The following CREBBP variants were observed in gnomAD, a reference collection of about 807,000 sequenced individuals.
The protein encoded by CREBBP is CREB binding lysine acetyltransferase.
CREBBP carries 19 observed loss-of-function variants against 265.0 expected under a neutral mutation model. That is an observed-to-expected ratio of 0.07 (90% confidence interval 0.05 to 0.11). The LOEUF (loss-of-function observed/expected upper bound fraction) is 0.11, where lower values mean the gene tolerates loss of function less well. Among genes scored for constraint, CREBBP ranks in the 10% least tolerant of loss-of-function variants. CREBBP has a pLI of 1.00. For missense variants in CREBBP, 2,525 were observed against 3,219.0 expected, an observed-to-expected ratio of 0.78 and a Z score of 5.22; for synonymous variants, 1,457 against 1,223.7, an observed-to-expected ratio of 1.19 and a Z score of -3.98.
intron 2 of CREBBP, among the ~76,000 whole-genome samples, chr16:3,839,677 TG>T (rs1326540317): frequency 1.0e-5 from 1 of 100,244 alleles, no homozygotes; most frequent in Non-Finnish European, 1.9e-5. Context: ...AGTGAAACTA[TG>T]GGGAAAGAAA....
chr16:3,879,112 T>C (rs1483589959), intron 1 of CREBBP, among the ~76,000 whole-genome samples: 1 of 152,156 alleles, frequency 6.6e-6, no homozygotes, highest in African/African-American at 2.4e-5. Context: ...ACCTGCTGTT[T>C]AACTTTCTTT....
In CREBBP at chr16:3,768,136, G is replaced by GTTTGTTT. The variant is rs2052905281; in HGVS notation, c.3061-228_3061-227insAAACAAA. On this transcript the variant is annotated intron_variant, in intron 15 of 30. Transcript: ENST00000262367. ...CAATTATGGTCCTAAATTTAAAAGT[G>GTTTGTTT]TTTTTTTTTTTTTTTTTTTTTTTTT... Among the ~76,000 whole-genome samples, 96 of 51,630 alleles carry GTTTGTTT rather than the reference G, an allele frequency of 1.9e-3. 1 individual carries two copies. Among genetic ancestry groups the GTTTGTTT allele is most frequent in the Non-Finnish European group, 1.8e-3 (51 of 28,456 alleles). The allele number at this position is 51,630 out of a possible 152,430, so 33.9% of individuals were successfully genotyped here.
Position 3,725,147 on chromosome 16 carries a change from CCT to C in CREBBP, c.*2569_*2570del, listed in dbSNP as rs1321682608. 1 of 233,536 alleles carries C rather than the reference CCT, an allele frequency of 4.3e-6. No individual in the cohort carries two copies. Among genetic ancestry groups the C allele is most frequent in the Non-Finnish European group, 8.5e-6 (1 of 117,962 alleles). 14.5% of individuals were successfully genotyped at this position (233,536 alleles called of 1,614,324 possible). On this transcript the variant is annotated 3_prime_UTR_variant, in exon 31 of 31. Coordinates refer to ENST00000262367, the MANE Select transcript of CREBBP (RefSeq NM_004380.3). ...TCACAAATATAGGACTTTTTCTTCT[CCT>C]CTTAAGTATACAGCATGAGACACAG...
intron 6 of CREBBP, 21 bp downstream of exon 6, chr16:3,782,663 G>A: frequency 1.9e-6 from 3 of 1,613,572 alleles, no homozygotes; most frequent in Non-Finnish European, 2.5e-6. Flanking sequence ...TAAGAACGAA[G>A]TTGAGAGTTC....
At chr16:3,807,094 C>T (rs2141334900) in intron 3 of CREBBP, among the ~76,000 whole-genome samples, 1 of 152,336 alleles carries the variant, frequency 6.6e-6, no homozygotes, top group South Asian at 2.1e-4. Flanking sequence ...GGAGTGAGCT[C>T]TGTGTCACTC....
At chr16:3,747,700 C>A (rs910706747) in intron 21 of CREBBP, among the ~76,000 whole-genome samples, 1 of 152,168 alleles carries the variant, frequency 6.6e-6, no homozygotes, top group Non-Finnish European at 1.5e-5. Flanking sequence ...CGGTGGCTCA[C>A]GCCTGTAATC....
rs754380226 is a variant in CREBBP at position 3,731,144 on chromosome 16, G to A, written c.5172+48C>T. 64 of 1,588,978 alleles carry A rather than the reference G, an allele frequency of 4.0e-5. No individual in the cohort carries two copies. The Middle Eastern group carries it at 6.1e-4, about 15-fold the overall frequency. ...CCCATGCAAAGGGACAGGATGCTTCGTCAGACCCCAGGCCGGCTGTGGGGG... is the reference window on the plus strand; with the variant it reads ...CCCATGCAAAGGGACAGGATGCTTCATCAGACCCCAGGCCGGCTGTGGGGG... On this transcript the variant is annotated intron_variant, in intron 30 of 30. Transcript: ENST00000262367. The surrounding 1 kb of genome is among the most constrained non-coding windows in gnomAD (Gnocchi z 7.7).
intron 2 of CREBBP, among the ~76,000 whole-genome samples, chr16:3,845,913 T>C (rs11641279): frequency 0.45 from 64,546 of 143,370 alleles, 17,151 homozygotes; most frequent in East Asian, 0.72. Flanking sequence ...AAAAAAGTCA[T>C]GTAATAAGGA....
At chr16:3,733,725 T>C (rs1430901671) in intron 28 of CREBBP, among the ~76,000 whole-genome samples, 1 of 152,212 alleles carries the variant, frequency 6.6e-6, no homozygotes, top group Non-Finnish European at 1.5e-5. Context: ...CACTGCAATC[T>C]GTGCCTCCCG....
Position 3,725,453 on chromosome 16 carries a change from C to G in CREBBP, c.*2265G>C. On this transcript the variant is annotated 3_prime_UTR_variant, in exon 31 of 31. Coordinates refer to ENST00000262367, the MANE Select transcript of CREBBP (RefSeq NM_004380.3). The stretch of plus-strand genomic sequence containing the variant: ...TAGAGCTGCTGCTCTCGGGCTCTAG[C>G]CCCACTTCTTGTTTGAACACATGGC... 1 of 233,282 alleles carries G rather than the reference C, an allele frequency of 4.3e-6. No individual in the cohort carries two copies. The highest frequency in any genetic ancestry group is 1.8e-4 in the South Asian group (1 of 5,532). 14.5% of individuals were successfully genotyped at this position (233,282 alleles called of 1,614,324 possible). A position where few individuals can be genotyped will look rare whatever the true frequency, so the allele number is the denominator to read the frequency against.
In CREBBP at chr16:3,849,426, TG is replaced by T. The variant is rs2054748642; in HGVS notation, c.798+870del. On this transcript the variant is annotated intron_variant, in intron 2 of 30. Transcript: ENST00000262367. The stretch of plus-strand genomic sequence containing the variant: ...GTGTGTGTGTGTGTGTGTGTGTGTG[TG>T]TGTGTGTGTGTGTGTGTGTGTGTGT... 6.4e-4 allele frequency among the ~76,000 whole-genome samples: 5 copies of T among 7,768 alleles called. No individual in the cohort carries two copies. In the Non-Finnish European group the frequency reaches 8.1e-3, roughly 13 times the overall value. The allele number at this position is 7,768 out of a possible 152,430, so 5.1% of individuals were successfully genotyped here.
intron 3 of CREBBP, among the ~76,000 whole-genome samples, chr16:3,799,398 A>G (rs2053669579): frequency 1.3e-5 from 2 of 152,258 alleles, no homozygotes; most frequent in South Asian, 2.1e-4. Flanking sequence ...TGTTTAATCT[A>G]TCTATATGGC....
At position 3,778,005 on chromosome 16, in the gene CREBBP, C is replaced by A. The variant is rs1391946455; in HGVS notation, c.2113+6G>T. On this transcript the variant is annotated splice_donor_region_variant and intron_variant, in intron 10 of 30. Coordinates refer to ENST00000262367, the MANE Select transcript of CREBBP (RefSeq NM_004380.3). ...AAGGGATGGCAGTAGGAAATAAAAT[C>A]CTTACTTGGAGGTCTCACAGGTTGT... 6.2e-7 allele frequency: 1 copy of A among 1,614,122 alleles called. No homozygotes were observed. Among genetic ancestry groups the A allele is most frequent in the South Asian group, 1.1e-5 (1 of 91,084 alleles).
Position 3,776,746 on chromosome 16 carries a change from C to T in CREBBP, c.2158+867G>A, listed in dbSNP as rs191250518. Among the ~76,000 whole-genome samples, 497 of 152,304 alleles carry T rather than the reference C, an allele frequency of 3.3e-3. 4 individuals are homozygous for T. Among genetic ancestry groups the T allele is most frequent in the Non-Finnish European group, 4.1e-3 (277 of 68,022 alleles). On this transcript the variant is annotated intron_variant, in intron 11 of 30. Coordinates refer to ENST00000262367, the MANE Select transcript of CREBBP (RefSeq NM_004380.3). Reference sequence around the variant, plus strand: ...ATAAAAAGCTGGCCGGGTGCAGTGGCTCATGCCTGTAATCCCAGCACTTTG... The same window carrying T: ...ATAAAAAGCTGGCCGGGTGCAGTGGTTCATGCCTGTAATCCCAGCACTTTG...
At chr16:3,844,743 C>T (rs1161080956) in intron 2 of CREBBP, among the ~76,000 whole-genome samples, 1 of 152,084 alleles carries the variant, frequency 6.6e-6, no homozygotes, top group African/African-American at 2.4e-5. Context: ...ATTAAGATAA[C>T]CCCATAAAGC....
At chr16:3,840,673 T>G (rs993010038) in intron 2 of CREBBP, 5 of 166,600 alleles carry the variant, frequency 3.0e-5, no homozygotes, top group African/African-American at 1.2e-4. Context: ...CTATCAACCC[T>G]AGTACCAAAT....
chr16:3,861,063 G>C (rs1214276846), intron 1 of CREBBP, among the ~76,000 whole-genome samples: 1 of 152,092 alleles, frequency 6.6e-6, no homozygotes, highest in Non-Finnish European at 1.5e-5. Flanking sequence ...CTATGGTCAG[G>C]AGTTCGAAAC....
intron 27 of CREBBP, 94 bp downstream of exon 27, chr16:3,736,556 G>A: frequency 6.6e-7 from 1 of 1,516,166 alleles, no homozygotes; most frequent in Non-Finnish European, 9.2e-7. Flanking sequence ...ATAAGTGAAG[G>A]TAATTAACAA....
chr16:3,731,419 T>A lies in CREBBP; in HGVS notation c.4945A>T (p.Ile1649Phe). ...CTGAGCAGGGGGTCGGGGTCGACGA[T>A]GGGGGGCAGGGTGTTGATGACAGGC... ...AGPVINTLPP[I>F]VDPDPLLSCD... The change falls in exon 30 of 31, where the codon ATC becomes TTC. Residue 1649 changes from isoleucine to phenylalanine, a missense_variant. Physicochemically the swap from Ile to Phe is conservative, Grantham distance 21. Around this residue, in one of 19 missense-constraint regions of CREBBP, gnomAD observed 37 missense variants for 34.1 expected, o/e 1.09. Transcript: ENST00000262367. This position sits in a 1 kb window ranked among gnomAD's most constrained non-coding sequence, Gnocchi z 7.7. 6.2e-7 allele frequency: 1 copy of A among 1,603,944 alleles called. No homozygotes were observed. Among genetic ancestry groups the A allele is most frequent in the Non-Finnish European group, 8.5e-7 (1 of 1,176,170 alleles).
Sources: allele counts gnomAD v4.1 joint callset (sites outside exome capture counted in the v4.1 genomes callset), GRCh38; gene constraint gnomAD v4.1.1; regional missense constraint gnomAD v4.1.1; non-coding constraint Gnocchi (gnomAD v3.1); transcripts MANE v1.5; gene names NCBI Gene and HGNC (gene_info 2026-07-23, HGNC 2026-07-21).